GALC: variants seen among roughly 807,000 people sequenced by gnomAD.
GALC encodes the protein galactosylceramidase.
In GALC, 77 loss-of-function variants were observed where a neutral mutation model predicts 91.8. The ratio of observed to expected loss-of-function variants is 0.84; its 90% CI spans 0.70 to 1.01. The LOEUF (loss-of-function observed/expected upper bound fraction) is 1.01, where lower values mean the gene tolerates loss of function less well. Ranked by LOEUF, GALC falls within the 50% of genes least tolerant of loss-of-function variation. The pLI is 0.00. For synonymous variants in GALC, 357 were observed against 306.7 expected, an observed-to-expected ratio of 1.16 and a Z score of -1.71; for missense variants, 882 against 855.9, an observed-to-expected ratio of 1.03 and a Z score of -0.38.
intron 12 of GALC, among the ~76,000 whole-genome samples, chr14:87,948,095 A>C (rs964297116): frequency 6.6e-6 from 1 of 152,024 alleles, no homozygotes; most frequent in South Asian, 2.1e-4. Flanking sequence ...TATAATTTTA[A>C]ACAACCTTAC....
chr14:87,935,492 G>A (rs1415356571), intron 16 of GALC, among the ~76,000 whole-genome samples: 3 of 152,050 alleles, frequency 2.0e-5, no homozygotes, highest in East Asian at 1.9e-4. Flanking sequence ...AGGGTGCAGC[G>A]GGTGGAAGAA....
intron 6 of GALC, among the ~76,000 whole-genome samples, chr14:87,977,032 T>TG (rs146514962): frequency 0.13 from 12,469 of 94,898 alleles, 1,459 homozygotes; most frequent in African/African-American, 0.31. Context: ...CATAGAAATA[T>TG]GGGGGGGGGG....
intron 13 of GALC, among the ~76,000 whole-genome samples, chr14:87,946,090 T>G (rs1391288657): frequency 1.3e-5 from 2 of 152,028 alleles, no homozygotes; most frequent in Non-Finnish European, 2.9e-5. Flanking sequence ...ATTTCCAGGT[T>G]TGCAGGAGGA....
intron 14 of GALC, among the ~76,000 whole-genome samples, chr14:87,944,251 C>A (rs1177545355): frequency 1.3e-5 from 2 of 151,922 alleles, no homozygotes; most frequent in Non-Finnish European, 2.9e-5. Flanking sequence ...AGGGGCTTCT[C>A]AATCTTTTTG....
chr14:87,993,217 C>A (rs1475962772), upstream of GALC: 41 of 1,549,538 alleles, frequency 2.6e-5, 1 homozygote, highest in Non-Finnish European at 3.3e-5. Context: ...GTCGCCGCCA[C>A]GATAGATACG....
chr14:87,979,106 C>T (rs1268875327), intron 6 of GALC, among the ~76,000 whole-genome samples: 1 of 151,960 alleles, frequency 6.6e-6, no homozygotes, highest in Non-Finnish European at 1.5e-5. Flanking sequence ...CTCACTGAAA[C>T]CTCTGCCTCC....
chr14:87,939,128 A>T (rs982075952), intron 16 of GALC, among the ~76,000 whole-genome samples: 2 of 151,934 alleles, frequency 1.3e-5, no homozygotes, highest in Admixed American at 6.6e-5. Flanking sequence ...ATTGCTATAA[A>T]ATGGCTACAA....
Position 87,984,445 on chromosome 14 carries a change from G to C in GALC, c.531C>G (p.Thr177=). 1 of 1,614,072 alleles carries C rather than the reference G, an allele frequency of 6.2e-7. No individual in the cohort carries two copies. Among genetic ancestry groups the C allele is most frequent in the Non-Finnish European group, 8.5e-7 (1 of 1,179,992 alleles). Residue 177 remains threonine, a synonymous_variant, in exon 5 of 17, where the codon ACC becomes ACG. Coordinates refer to ENST00000261304, the MANE Select transcript of GALC (RefSeq NM_000153.4). ...GGTAACGCTTGGCGCCCACAATCCA[G>C]GTCACGACATAATAGGCAGTCAGCT... The part of the protein sequence containing the change: ...NLQLTAYYVV[T]WIVGAKRYHD...
chr14:87,986,879 A>G, intron 3 of GALC: 1 of 454,204 alleles, frequency 2.2e-6, no homozygotes, highest in Admixed American at 3.3e-5. Context: ...ATCACCTCAT[A>G]TAACTAAAAA....
chr14:87,947,509 A>G (rs761884275), intron 13 of GALC, among the ~76,000 whole-genome samples: 2 of 152,060 alleles, frequency 1.3e-5, no homozygotes, highest in Non-Finnish European at 1.5e-5. Context: ...AATGAACCCT[A>G]TATTTTTTTC....
Position 87,954,905 on chromosome 14 carries a change from T to C in GALC, c.1162-4157A>G, listed in dbSNP as rs768280932. ...TACTATAGGCCAGCTTTAATGACTGTAGTTGATGGAAGACATGATGTTTAC... is the reference window on the plus strand; with the variant it reads ...TACTATAGGCCAGCTTTAATGACTGCAGTTGATGGAAGACATGATGTTTAC... On this transcript the variant is annotated intron_variant, in intron 10 of 16. Coordinates refer to ENST00000261304, the MANE Select transcript of GALC (RefSeq NM_000153.4). 6.4e-5 allele frequency: 101 copies of C among 1,569,850 alleles called. 2 individuals carry two copies. Among genetic ancestry groups the C allele is most frequent in the Middle Eastern group, 4.2e-4 (2 of 4,724 alleles).
intron 10 of GALC, among the ~76,000 whole-genome samples, chr14:87,962,317 G>A (rs1197044155): frequency 1.3e-5 from 2 of 152,016 alleles, no homozygotes; most frequent in East Asian, 3.9e-4. Context: ...ACGATGAAGT[G>A]TAGATTCTGG....
chr14:87,973,129 C>G (rs1886362820), intron 7 of GALC, among the ~76,000 whole-genome samples: 1 of 152,096 alleles, frequency 6.6e-6, no homozygotes, highest in Admixed American at 6.5e-5. Context: ...TATATTTACA[C>G]ATATTTGAGA....
At position 87,988,533 on chromosome 14, in the gene GALC, A is replaced by C; in HGVS notation, c.196-10T>G. 6.3e-7 allele frequency: 1 copy of C among 1,587,302 alleles called. No individual in the cohort carries two copies. The highest frequency in any genetic ancestry group is 1.1e-5 in the South Asian group (1 of 90,520). ...GAAGTCGGGAGGTTGCCTAAAAAAAAAAGTTTTCAAAAGTATGAATAAAAG... is the reference window on the plus strand; with the variant it reads ...GAAGTCGGGAGGTTGCCTAAAAAAACAAGTTTTCAAAAGTATGAATAAAAG... On this transcript the variant is annotated splice_polypyrimidine_tract_variant and intron_variant, in intron 1 of 16. Coordinates refer to ENST00000261304, the MANE Select transcript of GALC (RefSeq NM_000153.4).
chr14:87,934,304 T>C lies in GALC; in HGVS notation c.*428A>G. On this transcript the variant is annotated 3_prime_UTR_variant, in exon 17 of 17. Transcript: ENST00000261304. ...AGCTTTCTATTATGGCAGCATCATC[T>C]TGTGATGAAGACACTGGCTCACTTG... 7.8e-7 allele frequency: 1 copy of C among 1,289,288 alleles called. No homozygotes were observed. 79.9% of individuals were successfully genotyped at this position (1,289,288 alleles called of 1,614,324 possible).
chr14:87,966,703 G>T (rs1461242038), intron 8 of GALC, among the ~76,000 whole-genome samples: 1 of 152,070 alleles, frequency 6.6e-6, no homozygotes, highest in Non-Finnish European at 1.5e-5. Flanking sequence ...GCTTTCTGGA[G>T]GGCATTTTGT....
chr14:87,963,572 G>T, intron 9 of GALC, 61 bp from the exon 10 acceptor site: 1 of 1,153,038 alleles, frequency 8.7e-7, no homozygotes, highest in Non-Finnish European at 1.2e-6. Context: ...TTTCTTTTGG[G>T]AAAAAAAAAA....
upstream of GALC, chr14:87,993,268 G>C: frequency 6.5e-7 from 1 of 1,538,436 alleles, no homozygotes; most frequent in Non-Finnish European, 8.7e-7. Flanking sequence ...CCGCCATTTT[G>C]AGTGCGGGTC....
intron 11 of GALC, 39 bp from the exon 12 acceptor site, chr14:87,949,970 A>C (rs771761577): frequency 2.0e-6 from 2 of 989,954 alleles, no homozygotes; most frequent in Non-Finnish European, 3.3e-6. Flanking sequence ...TGAGTAATTC[A>C]TCACATCCTC....
Sources: gnomAD v4.1 joint callset for allele counts (sites outside exome capture counted in the v4.1 genomes callset) on GRCh38, gnomAD v4.1.1 for gene constraint, MANE v1.5 for transcripts, NCBI Gene and HGNC (gene_info 2026-07-23, HGNC 2026-07-21) for gene names.